PCDHGA9: variants seen among roughly 807,000 people sequenced by gnomAD.
PCDHGA9 encodes the protein protocadherin gamma-A9.
Under a neutral mutation model 62.5 loss-of-function variants are expected in PCDHGA9, and 37 were observed. The ratio of observed to expected loss-of-function variants is 0.59; its 90% CI spans 0.46 to 0.78. The LOEUF (loss-of-function observed/expected upper bound fraction) is 0.78, where lower values mean the gene tolerates loss of function less well. Among genes scored for constraint, PCDHGA9 ranks in the 30% least tolerant of loss-of-function variants. The pLI is 0.00. For synonymous variants in PCDHGA9, 459 were observed against 484.6 expected (o/e 0.95, Z 0.69); for missense variants, 1,138 against 1,166.2 (o/e 0.98, Z 0.35).
intron 2 of PCDHGA9, among the ~76,000 whole-genome samples, chr5:141,503,100 G>A (rs563699751): frequency 6.6e-6 from 1 of 151,592 alleles, no homozygotes; most frequent in South Asian, 2.1e-4. Context: ...TGGTCTGCCC[G>A]CCCCTGCCTC....
rs765751691 is a variant in PCDHGA9 at position 141,431,363 on chromosome 5, C to G, written c.2424+25987C>G. The G allele has an allele frequency of 6.2e-7, 1 of 1,614,024 alleles. No individual in the cohort carries two copies. The highest frequency in any genetic ancestry group is 2.2e-5 in the East Asian group (1 of 44,882). ...ATTGGTGCTGAAACGCGCCCTGGAC[C>G]GCGAAGAAAAGGCTGCTCACCACCT... is the stretch of plus-strand genomic sequence containing the variant. On this transcript the variant is annotated intron_variant, in intron 1 of 3. Transcript: ENST00000573521. This position sits in a 1 kb window ranked among gnomAD's most constrained non-coding sequence, Gnocchi z 4.8.
chr5:141,497,032 T>C (rs1206131945), intron 2 of PCDHGA9, among the ~76,000 whole-genome samples: 1 of 151,652 alleles, frequency 6.6e-6, no homozygotes, highest in East Asian at 1.9e-4. Flanking sequence ...CGATTAAAAA[T>C]ACAAAAATTA....
In PCDHGA9 at chr5:141,486,407, C is replaced by A; in HGVS notation, c.2425-8400C>A. The A allele has an allele frequency of 6.2e-7, 1 of 1,614,134 alleles. No homozygotes were observed. The highest frequency in any genetic ancestry group is 8.5e-7 in the Non-Finnish European group (1 of 1,180,000). On this transcript the variant is annotated intron_variant, in intron 1 of 3. Transcript: ENST00000573521. This position sits in a 1 kb window ranked among gnomAD's most constrained non-coding sequence, Gnocchi z 5.0. Reference sequence around the variant, plus strand: ...CCAGTTCTCCCTGGTGACTGCTGGACCCTTGGATCGAGAGGCCAAATCTAG... The same window carrying A: ...CCAGTTCTCCCTGGTGACTGCTGGAACCTTGGATCGAGAGGCCAAATCTAG...
At chr5:141,492,197 TA>T (rs2099738125) in intron 1 of PCDHGA9, among the ~76,000 whole-genome samples, 1 of 152,200 alleles carries the variant, frequency 6.6e-6, no homozygotes, top group African/African-American at 2.4e-5. Flanking sequence ...CTGCGGGACT[TA>T]GGTGTGCGCG....
rs370286425 is a variant in PCDHGA9, at chr5:141,431,234, G to A, written c.2424+25858G>A. On this transcript the variant is annotated intron_variant, in intron 1 of 3. Coordinates refer to ENST00000573521, the MANE Select transcript of PCDHGA9 (RefSeq NM_018921.3). This position sits in a 1 kb window ranked among gnomAD's most constrained non-coding sequence, Gnocchi z 4.8. ...GCGGTTCCCTCTACCCCACGCCTGGGATCCGGATATCGGGAAGAACTCTCT... is the reference window on the plus strand; with the variant it reads ...GCGGTTCCCTCTACCCCACGCCTGGAATCCGGATATCGGGAAGAACTCTCT... 13 of 1,614,052 alleles carry A rather than the reference G, an allele frequency of 8.1e-6. No individual in the cohort carries two copies. The highest frequency in any genetic ancestry group is 2.7e-5 in the African/African-American group (2 of 74,940).
In PCDHGA9 at chr5:141,512,848, G is replaced by C. The variant is rs1362051688; in HGVS notation, c.*1675G>C. The C allele has an allele frequency of 6.6e-6, 1 of 152,216 alleles. No individual in the cohort carries two copies. 9.4% of individuals were successfully genotyped at this position (152,216 alleles called of 1,614,324 possible). ...CCCCGTACTGACTTCTCCTATAAGC[G>C]CTTCTCTTCGCATAGTCACGTAGCT... On this transcript the variant is annotated 3_prime_UTR_variant, in exon 4 of 4. Transcript: ENST00000573521.
intron 1 of PCDHGA9, chr5:141,433,023 A>C: frequency 6.2e-7 from 1 of 1,614,084 alleles, no homozygotes; most frequent in East Asian, 2.2e-5. Context: ...ACCTATTCCC[A>C]CGAGGTTTCC....
chr5:141,490,561 A>G lies in PCDHGA9; in HGVS notation c.2425-4246A>G. On this transcript the variant is annotated intron_variant, in intron 1 of 3. Coordinates refer to ENST00000573521, the MANE Select transcript of PCDHGA9 (RefSeq NM_018921.3). This position sits in a 1 kb window ranked among gnomAD's most constrained non-coding sequence, Gnocchi z 5.4. Reference sequence around the variant, plus strand: ...TTCCCTACACAAACATCTCACCATCAGGCTCAACATTTCAGATGTCAATGA... The same window carrying G: ...TTCCCTACACAAACATCTCACCATCGGGCTCAACATTTCAGATGTCAATGA... 6.2e-7 allele frequency: 1 copy of G among 1,614,090 alleles called. No individual in the cohort carries two copies. The highest frequency in any genetic ancestry group is 8.5e-7 in the Non-Finnish European group (1 of 1,180,004).
chr5:141,422,433 T>C, intron 1 of PCDHGA9: 2 of 1,609,628 alleles, frequency 1.2e-6, no homozygotes. Context: ...ATGGAAATTA[T>C]TACAAATTGA....
In PCDHGA9 at chr5:141,448,944, C is replaced by CAAAA. The variant is rs560691811; in HGVS notation, c.2424+43572_2424+43575dup. Among the ~76,000 whole-genome samples, 218 of 152,004 alleles carry CAAAA rather than the reference C, an allele frequency of 1.4e-3. 1 individual carries two copies. The highest frequency in any genetic ancestry group is 5.1e-3 in the African/African-American group (213 of 41,464). On this transcript the variant is annotated intron_variant, in intron 1 of 3. Coordinates refer to ENST00000573521, the MANE Select transcript of PCDHGA9 (RefSeq NM_018921.3). ...TGGGCGACAGAGCAAGACTGCAACTCAAAAAAACAAACAAACAAACAAAAA... is the reference window on the plus strand; with the variant it reads ...TGGGCGACAGAGCAAGACTGCAACTCAAAAAAAAAAACAAACAAACAAACAAAAA...
chr5:141,421,457 C>T (rs377073702), intron 1 of PCDHGA9: 9 of 1,614,014 alleles, frequency 5.6e-6, no homozygotes, highest in African/African-American at 2.7e-5. Flanking sequence ...CAGCTTTTCG[C>T]TGTGAATCCG....
intron 1 of PCDHGA9, chr5:141,419,070 T>G: frequency 6.2e-7 from 1 of 1,613,926 alleles, no homozygotes; most frequent in Non-Finnish European, 8.5e-7. Context: ...TACTACAAGC[T>G]AGTAACAGAT....
chr5:141,437,591 G>T (rs1177672004), intron 1 of PCDHGA9, among the ~76,000 whole-genome samples: 5 of 152,170 alleles, frequency 3.3e-5, no homozygotes, highest in Non-Finnish European at 7.3e-5. Flanking sequence ...GAATTGGATA[G>T]TTCTGGTGTA....
chr5:141,414,791 G>A (rs375736950), intron 1 of PCDHGA9: 43 of 1,614,120 alleles, frequency 2.7e-5, no homozygotes, highest in Non-Finnish European at 3.3e-5. Context: ...GTGACAGCCA[G>A]CGACAGCGGG....
Position 141,431,003 on chromosome 5 carries a change from G to C in PCDHGA9, c.2424+25627G>C. The C allele has an allele frequency of 6.2e-7, 1 of 1,614,078 alleles. No individual in the cohort carries two copies. The highest frequency in any genetic ancestry group is 8.5e-7 in the Non-Finnish European group (1 of 1,179,974). On this transcript the variant is annotated intron_variant, in intron 1 of 3. Transcript: ENST00000573521. The surrounding 1 kb of genome is among the most constrained non-coding windows in gnomAD (Gnocchi z 4.8). ...GCTTTTCGCCCTGAATCCGCGCAGC[G>C]GCAGCTTGGTCACGGCGGGCAGGAT... is the stretch of plus-strand genomic sequence containing the variant.
At position 141,489,635 on chromosome 5, in the gene PCDHGA9, G is replaced by C. The variant is rs1380466520; in HGVS notation, c.2425-5172G>C. 2 of 1,614,142 alleles carry C rather than the reference G, an allele frequency of 1.2e-6. No homozygotes were observed. The highest frequency in any genetic ancestry group is 3.3e-5 in the Admixed American group (2 of 60,016). ...CTGGATCTCAATGACAACTCTCCTAGCTTTGCCACCCCTGAGCGAGAGATG... is the reference window on the plus strand; with the variant it reads ...CTGGATCTCAATGACAACTCTCCTACCTTTGCCACCCCTGAGCGAGAGATG... On this transcript the variant is annotated intron_variant, in intron 1 of 3. Transcript: ENST00000573521. This position sits in a 1 kb window ranked among gnomAD's most constrained non-coding sequence, Gnocchi z 4.5.
At chr5:141,461,190 T>C (rs2099010725) in intron 1 of PCDHGA9, among the ~76,000 whole-genome samples, 1 of 152,142 alleles carries the variant, frequency 6.6e-6, no homozygotes, top group Non-Finnish European at 1.5e-5. Context: ...TAGATCTGTT[T>C]TTTGCTCTTT....
intron 1 of PCDHGA9, chr5:141,414,158 G>C: frequency 6.2e-7 from 1 of 1,602,572 alleles, no homozygotes; most frequent in Non-Finnish European, 8.5e-7. Context: ...GCAGAAGATG[G>C]AGGAGCATAT....
At chr5:141,484,644 A>G (rs1165542601) in intron 1 of PCDHGA9, among the ~76,000 whole-genome samples, 1 of 151,748 alleles carries the variant, frequency 6.6e-6, no homozygotes, top group African/African-American at 2.4e-5. Flanking sequence ...CCACTCTCCA[A>G]TGGCTACTCT....
Sources: gnomAD v4.1 joint callset for allele counts (sites outside exome capture counted in the v4.1 genomes callset) on GRCh38, gnomAD v4.1.1 for gene constraint, Gnocchi (gnomAD v3.1) non-coding constraint, MANE v1.5 for transcripts, NCBI Gene and HGNC (gene_info 2026-07-23, HGNC 2026-07-21) for gene names.